SYT14: variants seen among roughly 807,000 people sequenced by gnomAD.
SYT14 encodes the protein synaptotagmin-14.
A neutral mutation model predicts 74.2 loss-of-function variants in SYT14; 32 were observed. That is an observed-to-expected ratio of 0.43 (90% CI 0.33 to 0.58). The LOEUF (loss-of-function observed/expected upper bound fraction) is 0.58. SYT14 is among the 20% of genes least tolerant of loss of function. The pLI, the probability that SYT14 is intolerant of heterozygous loss-of-function variation, is 0.05. For synonymous variants in SYT14, 298 were observed against 337.7 expected (o/e 0.88, Z 1.29); for missense variants, 791 against 981.8 (o/e 0.81, Z 2.60).
chr1:210,041,887 A>C (rs1485658623), intron 5 of SYT14, among the ~76,000 whole-genome samples: 1 of 152,032 alleles, frequency 6.6e-6, no homozygotes, highest in Non-Finnish European at 1.5e-5. Flanking sequence ...AGGTAGATAG[A>C]GTCTTGTCTG....
chr1:210,059,443 T>TAGAGAGAGAGAGAGAGAG (rs1356440193), intron 5 of SYT14, among the ~76,000 whole-genome samples: 1 of 96,196 alleles, frequency 1.0e-5, no homozygotes, highest in Non-Finnish European at 2.0e-5. Context: ...TATATATATA[T>TAGAGAGAGAGAGAGAGAG]ATATATATAG....
intron 7 of SYT14, among the ~76,000 whole-genome samples, chr1:210,138,413 T>A (rs776172654): frequency 3.9e-5 from 6 of 152,224 alleles, no homozygotes; most frequent in Non-Finnish European, 5.9e-5. Context: ...CAGTTCAAAA[T>A]GAGATTTGGG....
intron 5 of SYT14, among the ~76,000 whole-genome samples, chr1:210,068,655 A>C (rs1191814552): frequency 1.3e-5 from 2 of 151,488 alleles, no homozygotes; most frequent in African/African-American, 4.8e-5. Context: ...TATTGTATAC[A>C]TTTTTCAGAA....
chr1:210,136,640 A>T (rs1188425152), intron 7 of SYT14, among the ~76,000 whole-genome samples: 1 of 152,198 alleles, frequency 6.6e-6, no homozygotes, highest in African/African-American at 2.4e-5. Flanking sequence ...CTGAAGGTCC[A>T]GTCAAAGCAT....
chr1:209,952,127 T>C (rs2078921202), intron 1 of SYT14, among the ~76,000 whole-genome samples: 1 of 152,134 alleles, frequency 6.6e-6, no homozygotes. Context: ...ATTTTTGGTT[T>C]TTGGCCCAAT....
exon 10 of SYT14, chr1:210,162,222 G>C (rs2102732288): frequency 2.3e-6 from 1 of 429,002 alleles, no homozygotes; most frequent in South Asian, 1.6e-5. Flanking sequence ...TCTTCAACGT[G>C]ATGTCATCTT....
chr1:210,014,196 TC>T (rs1337240032), intron 3 of SYT14, among the ~76,000 whole-genome samples: 1 of 152,154 alleles, frequency 6.6e-6, no homozygotes, highest in Non-Finnish European at 1.5e-5. Flanking sequence ...TCACCCTTTT[TC>T]TTTACCTGCT....
chr1:210,029,314 CT>C, intron 5 of SYT14, among the ~76,000 whole-genome samples: 1 of 151,962 alleles, frequency 6.6e-6, no homozygotes, highest in East Asian at 1.9e-4. Flanking sequence ...TTTTCTGTGC[CT>C]TTGATGTCAT....
At chr1:210,099,754 C>T (rs1325261376) in intron 6 of SYT14, among the ~76,000 whole-genome samples, 1 of 152,178 alleles carries the variant, frequency 6.6e-6, no homozygotes, top group Non-Finnish European at 1.5e-5. Context: ...ATACATCACA[C>T]TTTCTCAGAA....
intron 8 of SYT14, among the ~76,000 whole-genome samples, chr1:210,156,140 A>C (rs2083263462): frequency 6.6e-6 from 1 of 152,210 alleles, no homozygotes; most frequent in Non-Finnish European, 1.5e-5. Context: ...AGTATCTGCA[A>C]AATAAATTAT....
intron 5 of SYT14, 50 bp from the exon 5 acceptor site, chr1:210,094,270 CTG>C: frequency 6.2e-7 from 1 of 1,611,490 alleles, no homozygotes; most frequent in Non-Finnish European, 8.5e-7. Flanking sequence ...GTAGACTATA[CTG>C]TGTGTTGAGG....
At chr1:210,145,786 T>G (rs186101663) in intron 7 of SYT14, among the ~76,000 whole-genome samples, 1 of 152,288 alleles carries the variant, frequency 6.6e-6, no homozygotes, top group South Asian at 2.1e-4. Flanking sequence ...TGAAATGCCC[T>G]TCCCTATGCC....
In SYT14 at chr1:210,000,014, C is replaced by T. The variant is rs544100574; in HGVS notation, c.-485-13619C>T. On this transcript the variant is annotated intron_variant, in intron 2 of 9. Transcript: ENST00000637265. ...TCTTGTAACAAAATATCAGATGTAC[C>T]CCATGAATATGTGCAAAAATTATGT... Among the ~76,000 whole-genome samples, 3 of 151,930 alleles carry T rather than the reference C, an allele frequency of 2.0e-5. No homozygotes were observed. In the South Asian group the frequency reaches 6.3e-4, roughly 32 times the overall value.
At chr1:210,048,929 C>G (rs1558152894) in intron 5 of SYT14, among the ~76,000 whole-genome samples, 1 of 152,214 alleles carries the variant, frequency 6.6e-6, no homozygotes, top group Non-Finnish European at 1.5e-5. Context: ...GGGCTACAGG[C>G]CCCATGCAAG....
At chr1:209,992,297 A>G (rs2079704817) in intron 2 of SYT14, among the ~76,000 whole-genome samples, 1 of 152,104 alleles carries the variant, frequency 6.6e-6, no homozygotes, top group South Asian at 2.1e-4. Context: ...GATGCACACC[A>G]CCACACCTGG....
At chr1:210,063,762 C>CT (rs949972979) in intron 5 of SYT14, among the ~76,000 whole-genome samples, 1 of 151,502 alleles carries the variant, frequency 6.6e-6, no homozygotes, top group Non-Finnish European at 1.5e-5. Flanking sequence ...ATCACTTATT[C>CT]TTTTTTATTG....
intron 5 of SYT14, among the ~76,000 whole-genome samples, chr1:210,059,969 A>G (rs2081178684): frequency 6.6e-6 from 1 of 152,180 alleles, no homozygotes. Context: ...GGGAAATTGA[A>G]GGATATGGGT....
intron 7 of SYT14, among the ~76,000 whole-genome samples, chr1:210,105,605 A>C (rs1301710082): frequency 1.3e-5 from 2 of 152,228 alleles, no homozygotes; most frequent in South Asian, 2.1e-4. Context: ...TAAGGAGTAC[A>C]TTAACCCCTG....
At chr1:210,138,061 G>A (rs2082828688) in intron 7 of SYT14, among the ~76,000 whole-genome samples, 1 of 152,094 alleles carries the variant, frequency 6.6e-6, no homozygotes, top group Admixed American at 6.6e-5. Flanking sequence ...TAATCTATTG[G>A]AAATTGTTTA....
Sources: gnomAD v4.1 joint callset for allele counts (sites outside exome capture counted in the v4.1 genomes callset) on GRCh38, gnomAD v4.1.1 for gene constraint, MANE v1.5 for transcripts, NCBI Gene and HGNC (gene_info 2026-07-23, HGNC 2026-07-21) for gene names.